Variants in GSTA3 observed in about 807,000 individuals in gnomAD.
GSTA3 encodes glutathione S-transferase alpha 3, also known as glutathione S-transferase A3.
Under a neutral mutation model 23.1 loss-of-function variants are expected in GSTA3, and 16 were observed. That is an observed-to-expected ratio of 0.69 (90% CI 0.47 to 1.05). GSTA3 has a LOEUF of 1.05. Ranked by LOEUF, GSTA3 falls within the 50% of genes least tolerant of loss-of-function variation. GSTA3 has a pLI of 0.00. For missense variants in GSTA3, 319 were observed against 263.6 expected, an observed-to-expected ratio of 1.21 and a Z score of -1.46; for synonymous variants, 122 against 91.0, an observed-to-expected ratio of 1.34 and a Z score of -1.94.
In GSTA3 at chr6:52,902,397, T is replaced by G; in HGVS notation, c.221A>C (p.Tyr74Ser). ...GTAGAGGTTGTATTTGCTGGCAATG[T>G]AGTTGAGAATGGCTCTGGTCTGTAC... ...KLVQTRAILNYIASKYNLYGK... is the reference protein window; with the variant it reads ...KLVQTRAILNSIASKYNLYGK... Residue 74 changes from tyrosine (Y) to serine (S), a missense_variant, in exon 4 of 7, where the codon TAC (tyrosine) becomes TCC (serine). By Grantham distance (144) the Tyr-to-Ser change is moderately radical (BLOSUM62 -2). Coordinates refer to ENST00000211122, the MANE Select transcript of GSTA3 (RefSeq NM_000847.5). 1 of 1,614,060 alleles carries G rather than the reference T, an allele frequency of 6.2e-7. No individual in the cohort carries two copies. Among genetic ancestry groups the G allele is most frequent in the Non-Finnish European group, 8.5e-7 (1 of 1,179,894 alleles).
intron 1 of GSTA3, among the ~76,000 whole-genome samples, chr6:52,906,836 G>A (rs1325796287): frequency 4.0e-5 from 6 of 150,744 alleles, no homozygotes; most frequent in African/African-American, 7.3e-5. Flanking sequence ...AGACTTAAAC[G>A]TTAGACCTAA....
chr6:52,897,538 C>G (rs1195259803), intron 6 of GSTA3, among the ~76,000 whole-genome samples: 1 of 152,212 alleles, frequency 6.6e-6, no homozygotes, highest in Non-Finnish European at 1.5e-5. Flanking sequence ...AACTCAGGAA[C>G]AGACCACAGA....
chr6:52,905,744 A>C lies in GSTA3; in HGVS notation c.87+4T>G. The C allele has an allele frequency of 6.4e-7, 1 of 1,556,424 alleles. No homozygotes were observed. The highest frequency in any genetic ancestry group is 8.9e-7 in the Non-Finnish European group (1 of 1,129,762). ...AACTTAAGATGACCTAACTTAGAACATACCTCCACTCCAGCTGCAGCCAAG... is the reference window on the plus strand; with the variant it reads ...AACTTAAGATGACCTAACTTAGAACCTACCTCCACTCCAGCTGCAGCCAAG... On this transcript the variant is annotated splice_donor_region_variant and intron_variant, in intron 2 of 6. Coordinates refer to ENST00000211122, the MANE Select transcript of GSTA3 (RefSeq NM_000847.5).
intron 4 of GSTA3, among the ~76,000 whole-genome samples, chr6:52,900,482 CA>C (rs1370543200): frequency 6.6e-6 from 1 of 152,126 alleles, no homozygotes; most frequent in Non-Finnish European, 1.5e-5. Context: ...AGGCTGGTCT[CA>C]AACCCCTGAC....
chr6:52,901,316 A>G (rs1487310221), intron 4 of GSTA3, among the ~76,000 whole-genome samples: 1 of 152,234 alleles, frequency 6.6e-6, no homozygotes, highest in Non-Finnish European at 1.5e-5. Flanking sequence ...GGCAACCACT[A>G]GTCTACTTGC....
In GSTA3 at chr6:52,896,767, T is replaced by A. The variant is rs1333555749; in HGVS notation, c.*39A>T. 111 of 1,610,752 alleles carry A rather than the reference T, an allele frequency of 6.9e-5. No individual in the cohort carries two copies. The highest frequency in any genetic ancestry group is 9.1e-5 in the Non-Finnish European group (107 of 1,178,274). On this transcript the variant is annotated 3_prime_UTR_variant, in exon 7 of 7. Coordinates refer to ENST00000211122, the MANE Select transcript of GSTA3 (RefSeq NM_000847.5). ...ACTTCATTGTTGCAAAACTTTAGAA[T>A]ATTGGTCTTGCATGTTCTTAGCCTC...
chr6:52,896,829 C>T lies in GSTA3; in HGVS notation c.646G>A (p.Ala216Thr), dbSNP rs1031250782. 6 of 1,614,068 alleles carry T rather than the reference C, an allele frequency of 3.7e-6. No individual in the cohort carries two copies. The highest frequency in any genetic ancestry group is 5.1e-6 in the Non-Finnish European group (6 of 1,179,948). Residue 216 changes from alanine to threonine, a missense_variant, in exon 7 of 7, where the codon GCC (alanine) becomes ACC (threonine). Ala to Thr is a moderately conservative substitution (Grantham distance 58, BLOSUM62 0). Transcript: ENST00000211122. ...TATTAAAACCTGAAAATCTTTCTGG[C>T]TTCTTCTAAAGCTTTTGCATCTGCG... ...PPADAKALEE[A>T]RKIFRF
At chr6:52,904,182 G>A (rs895576745) in intron 2 of GSTA3, among the ~76,000 whole-genome samples, 13 of 151,888 alleles carry the variant, frequency 8.6e-5, no homozygotes, top group Admixed American at 7.2e-4. Flanking sequence ...TAGTGCTGGG[G>A]TCTCGCTGTG....
intron 1 of GSTA3, among the ~76,000 whole-genome samples, chr6:52,906,685 C>G (rs955143304): frequency 6.6e-6 from 1 of 151,796 alleles, no homozygotes; most frequent in Non-Finnish European, 1.5e-5. Context: ...TGATCTTTGA[C>G]AAACCTGACA....
At chr6:52,905,714 G>A (rs1242382841) in intron 2 of GSTA3, 34 bp downstream of exon 2, 5 of 1,204,868 alleles carry the variant, frequency 4.1e-6, no homozygotes, top group Middle Eastern at 1.9e-4. Context: ...CAGTCAATTA[G>A]GTCCAACTTA....
intron 4 of GSTA3, among the ~76,000 whole-genome samples, 189 bp from the exon 5 acceptor site, chr6:52,900,264 C>CTTTTTTTT (rs368457261): frequency 7.5e-6 from 1 of 133,458 alleles, no homozygotes; most frequent in Non-Finnish European, 1.6e-5. Flanking sequence ...CTTTCTTTTT[C>CTTTTTTTT]TTTTTTTTTT....
At position 52,896,728 on chromosome 6, in the gene GSTA3, C is replaced by A; in HGVS notation, c.*78G>T. 6.5e-7 allele frequency: 1 copy of A among 1,533,154 alleles called. No homozygotes were observed. Among genetic ancestry groups the A allele is most frequent in the Non-Finnish European group, 9.0e-7 (1 of 1,115,442 alleles). 95.0% of individuals were successfully genotyped at this position (1,533,154 alleles called of 1,614,324 possible). On this transcript the variant is annotated 3_prime_UTR_variant, in exon 7 of 7. Coordinates refer to ENST00000211122, the MANE Select transcript of GSTA3 (RefSeq NM_000847.5). The stretch of plus-strand genomic sequence containing the variant: ...TTAGCTTTACAACAGGCACAATCAA[C>A]ACTTAAGTAAAGCACTTCATTGTTG...
intron 4 of GSTA3, among the ~76,000 whole-genome samples, chr6:52,901,314 C>T (rs1240351274): frequency 2.0e-5 from 3 of 152,222 alleles, no homozygotes; most frequent in Admixed American, 6.5e-5. Flanking sequence ...CAGGCAACCA[C>T]TAGTCTACTT....
At chr6:52,903,593 TCAA>T in intron 3 of GSTA3, 80 bp downstream of exon 3, 9 of 680,452 alleles carry the variant, frequency 1.3e-5, no homozygotes, top group Non-Finnish European at 2.2e-5. Context: ...CGAGACTCCG[TCAA>T]AAAAAAAAAA....
At chr6:52,908,004 GAA>G (rs1765952479) in intron 1 of GSTA3, among the ~76,000 whole-genome samples, 1 of 147,498 alleles carries the variant, frequency 6.8e-6, no homozygotes, top group African/African-American at 2.7e-5. Context: ...AAAAAAAAAA[GAA>G]GTTACCATTT....
chr6:52,898,901 G>A (rs1765566016), intron 5 of GSTA3, among the ~76,000 whole-genome samples: 1 of 152,116 alleles, frequency 6.6e-6, no homozygotes, highest in African/African-American at 2.4e-5. Flanking sequence ...TATTGGCTAG[G>A]GTTAGACTGC....
At chr6:52,898,051 G>C in intron 5 of GSTA3, 95 bp from the exon 6 acceptor site, 1 of 1,394,130 alleles carries the variant, frequency 7.2e-7, no homozygotes, top group East Asian at 2.3e-5. Context: ...ATTCCCACCT[G>C]TGTTGCCTAA....
At position 52,905,847 on chromosome 6, in the gene GSTA3, T is replaced by G; in HGVS notation, c.-13A>C. Reference sequence around the variant, plus strand: ...GCTTCCCTGCCATGGTAACAGTCTCTTGGTTTCTCTAAAATGAATGAATGA... The same window carrying G: ...GCTTCCCTGCCATGGTAACAGTCTCGTGGTTTCTCTAAAATGAATGAATGA... On this transcript the variant is annotated 5_prime_UTR_variant, in exon 2 of 7. Transcript: ENST00000211122. 1.3e-6 allele frequency: 2 copies of G among 1,530,034 alleles called. No individual in the cohort carries two copies. Among genetic ancestry groups the G allele is most frequent in the Non-Finnish European group, 1.8e-6 (2 of 1,108,994 alleles). 94.8% of individuals were successfully genotyped at this position (1,530,034 alleles called of 1,614,324 possible).
chr6:52,908,373 G>A (rs370042648), intron 1 of GSTA3, among the ~76,000 whole-genome samples: 8 of 152,056 alleles, frequency 5.3e-5, no homozygotes, highest in Admixed American at 4.6e-4. Context: ...AAATTAGCCA[G>A]GATTGGTGTC....
Sources: gnomAD v4.1 joint callset for allele counts (sites outside exome capture counted in the v4.1 genomes callset) on GRCh38, gnomAD v4.1.1 for gene constraint, MANE v1.5 for transcripts, NCBI Gene and HGNC (gene_info 2026-07-23, HGNC 2026-07-21) for gene names.